Variants in KCNH1 observed in about 807,000 individuals in gnomAD.
The protein encoded by KCNH1 is potassium voltage-gated channel subfamily H member 1.
In KCNH1, 27 loss-of-function variants were observed where a neutral mutation model predicts 69.2. That is an observed-to-expected ratio of 0.39 (90% CI 0.29 to 0.54). The LOEUF (loss-of-function observed/expected upper bound fraction) is 0.54, where lower values mean the gene tolerates loss of function less well. Ranked by LOEUF, KCNH1 falls within the 20% of genes least tolerant of loss-of-function variation. KCNH1 has a pLI of 0.68. For missense variants in KCNH1, 798 were observed against 1,261.6 expected (o/e 0.63, Z 5.57); for synonymous variants, 456 against 487.7 (o/e 0.93, Z 0.86).
chr1:210,763,398 A>C (rs915450274), intron 10 of KCNH1, among the ~76,000 whole-genome samples: 1 of 152,138 alleles, frequency 6.6e-6, no homozygotes, highest in African/African-American at 2.4e-5. Flanking sequence ...AGAAAGAAAT[A>C]AAGGGCATCC....
In KCNH1 at chr1:210,902,699, ACT is replaced by A. The variant is rs1416773152; in HGVS notation, c.1462+16939_1462+16940del. Among the ~76,000 whole-genome samples the A allele has an allele frequency of 2.6e-5, 4 of 152,090 alleles. No homozygotes were observed. The East Asian group carries it at 7.7e-4, about 29-fold the overall frequency. On this transcript the variant is annotated intron_variant, in intron 7 of 10. Coordinates refer to ENST00000271751, the MANE Select transcript of KCNH1 (RefSeq NM_172362.3). ...TGGGCCCTCCATAGTAAAGCGGCAC[ACT>A]CTGTCCCCAGTCAGTGACACTGCCA...
chr1:211,105,127 T>C (rs1288881370), intron 2 of KCNH1, among the ~76,000 whole-genome samples: 1 of 152,240 alleles, frequency 6.6e-6, no homozygotes, highest in African/African-American at 2.4e-5. Context: ...CATGTAGTTC[T>C]CTGCTTTGGG....
intron 1 of KCNH1, among the ~76,000 whole-genome samples, chr1:211,110,760 A>G (rs1016765396): frequency 1.3e-5 from 2 of 152,160 alleles, no homozygotes; most frequent in East Asian, 3.8e-4. Flanking sequence ...GCAAAGATAA[A>G]TAAGAGAGTA....
rs535019190 is a variant in KCNH1 at position 210,951,542 on chromosome 1, C to A, written c.1033-31473G>T. ...TTGTCGGTTTGAGTTTACAACGCTG[C>A]CTAGCAGAAGCATTTCTTTCTAGAT... is the stretch of plus-strand genomic sequence containing the variant. On this transcript the variant is annotated intron_variant, in intron 6 of 10. Coordinates refer to ENST00000271751, the MANE Select transcript of KCNH1 (RefSeq NM_172362.3). Among the ~76,000 whole-genome samples the A allele has an allele frequency of 2.0e-5, 3 of 152,222 alleles. No individual in the cohort carries two copies. In the East Asian group the frequency reaches 5.8e-4, roughly 29 times the overall value.
chr1:211,039,972 G>A (rs1689961280), intron 5 of KCNH1, among the ~76,000 whole-genome samples: 2 of 152,084 alleles, frequency 1.3e-5, no homozygotes, highest in African/African-American at 4.8e-5. Flanking sequence ...GGTGGATCAC[G>A]AGGTCAGGAG....
At chr1:211,107,400 A>G (rs750810606) in intron 1 of KCNH1, 23 bp from the exon 2 acceptor site, 5 of 1,593,236 alleles carry the variant, frequency 3.1e-6, no homozygotes, top group East Asian at 4.5e-5. Flanking sequence ...AAAAAAAGGG[A>G]AAAAAGGGCA....
intron 8 of KCNH1, among the ~76,000 whole-genome samples, chr1:210,801,366 G>A (rs1461709140): frequency 6.6e-6 from 1 of 152,314 alleles, no homozygotes; most frequent in Non-Finnish European, 1.5e-5. Flanking sequence ...TAGGATGACA[G>A]GACTGGTTCT....
intron 6 of KCNH1, among the ~76,000 whole-genome samples, chr1:210,933,220 G>A (rs921036950): frequency 6.6e-6 from 1 of 152,112 alleles, no homozygotes; most frequent in Admixed American, 6.6e-5. Context: ...GTAGGGACAT[G>A]GATGAAATTG....
chr1:210,685,316 A>G (rs1296575201), intron 10 of KCNH1, among the ~76,000 whole-genome samples: 1 of 152,126 alleles, frequency 6.6e-6, no homozygotes, highest in Non-Finnish European at 1.5e-5. Flanking sequence ...AGGTATTGAG[A>G]TTGTGTAGAA....
intron 5 of KCNH1, among the ~76,000 whole-genome samples, chr1:211,038,618 C>G (rs1689939903): frequency 2.0e-5 from 3 of 152,264 alleles, no homozygotes; most frequent in Admixed American, 1.3e-4. Context: ...AAGATCCAGA[C>G]TGAGGTGGTC....
At chr1:210,809,389 T>C (rs1191103244) in intron 7 of KCNH1, among the ~76,000 whole-genome samples, 2 of 152,058 alleles carry the variant, frequency 1.3e-5, no homozygotes, top group Admixed American at 6.6e-5. Context: ...CTGGGAAGCA[T>C]AGCCTCCAGC....
intron 1 of KCNH1, among the ~76,000 whole-genome samples, chr1:211,128,062 G>A (rs1226287423): frequency 6.6e-5 from 10 of 151,990 alleles, no homozygotes; most frequent in East Asian, 5.8e-4. Flanking sequence ...AGGCCAAGGC[G>A]GGCGGATCAC....
At chr1:210,829,794 T>C (rs1268879671) in intron 7 of KCNH1, among the ~76,000 whole-genome samples, 1 of 152,170 alleles carries the variant, frequency 6.6e-6, no homozygotes, top group Non-Finnish European at 1.5e-5. Flanking sequence ...GCACTTGCAA[T>C]TTCCTTTACC....
chr1:210,860,295 T>G, intron 7 of KCNH1: 2 of 1,356,216 alleles, frequency 1.5e-6, no homozygotes. Context: ...CTTGTTGACA[T>G]GTCAGGCTAT....
At chr1:210,986,194 G>A (rs1688830160) in intron 6 of KCNH1, among the ~76,000 whole-genome samples, 2 of 152,130 alleles carry the variant, frequency 1.3e-5, no homozygotes, top group South Asian at 4.1e-4. Flanking sequence ...CGTGAGATGG[G>A]TCTCCTGAAT....
At chr1:210,960,281 C>A (rs1688268704) in intron 6 of KCNH1, among the ~76,000 whole-genome samples, 1 of 152,158 alleles carries the variant, frequency 6.6e-6, no homozygotes, top group Non-Finnish European at 1.5e-5. Context: ...TTTTAGGTTT[C>A]CATTTCTCTT....
chr1:210,856,830 T>C (rs903233239), intron 7 of KCNH1, among the ~76,000 whole-genome samples: 5 of 134,602 alleles, frequency 3.7e-5, no homozygotes, highest in East Asian at 2.2e-4. Flanking sequence ...ATTTTATATA[T>C]AATATATATA....
intron 5 of KCNH1, among the ~76,000 whole-genome samples, chr1:211,081,297 T>G (rs1436337564): frequency 6.6e-6 from 1 of 152,146 alleles, no homozygotes; most frequent in Non-Finnish European, 1.5e-5. Flanking sequence ...AGAATGGCGA[T>G]CATTAAAAAG....
In KCNH1 at chr1:210,692,474, C is replaced by T. The variant is rs565256525; in HGVS notation, c.2113-8336G>A. On this transcript the variant is annotated intron_variant, in intron 10 of 10. Coordinates refer to ENST00000271751, the MANE Select transcript of KCNH1 (RefSeq NM_172362.3). ...CTAGGGGCCACATTTGTCACCTTCT[C>T]CTTGTTTTGTGCTCCCTCAGTGTAG... 5.3e-5 allele frequency among the ~76,000 whole-genome samples: 8 copies of T among 152,254 alleles called. No homozygotes were observed. In the East Asian group the frequency reaches 1.2e-3, roughly 22 times the overall value.
Sources: allele counts gnomAD v4.1 joint callset (sites outside exome capture counted in the v4.1 genomes callset), GRCh38; gene constraint gnomAD v4.1.1; transcripts MANE v1.5; gene names NCBI Gene and HGNC (gene_info 2026-07-23, HGNC 2026-07-21).